RAB38: variants seen among roughly 807,000 people sequenced by gnomAD.
RAB38 encodes the protein RAB38, member RAS oncogene family.
Under a neutral mutation model 18.4 loss-of-function variants are expected in RAB38, and 15 were observed. The observed-to-expected ratio is 0.82, with a 90% CI of 0.55 to 1.26. The LOEUF is 1.26. RAB38 is among the 50% of genes most tolerant of loss of function. The pLI, the probability that RAB38 is intolerant of heterozygous loss-of-function variation, is 0.00. For missense variants in RAB38, 294 were observed against 267.4 expected, an observed-to-expected ratio of 1.10 and a Z score of -0.69; for synonymous variants, 101 against 104.4, an observed-to-expected ratio of 0.97 and a Z score of 0.20.
chr11:88,026,250 A>C, the RAB38 span, among the ~76,000 whole-genome samples: 1 of 152,058 alleles, frequency 6.6e-6, no homozygotes, highest in Non-Finnish European at 1.5e-5. Flanking sequence ...GGGATGTGGA[A>C]GGTAGATGTG....
At chr11:88,146,082 T>C (rs997998733) in intron 2 of RAB38, among the ~76,000 whole-genome samples, 1 of 152,224 alleles carries the variant, frequency 6.6e-6, no homozygotes, top group Non-Finnish European at 1.5e-5. Context: ...TTTTATTTTT[T>C]CTCTCTTAAT....
the RAB38 span, among the ~76,000 whole-genome samples, chr11:87,833,126 C>G: frequency 6.6e-6 from 1 of 152,258 alleles, no homozygotes; most frequent in East Asian, 1.9e-4. Flanking sequence ...CAGAGTGATC[C>G]TCTAAAATGT....
chr11:87,879,727 G>A, the RAB38 span: 3 of 151,636 alleles, frequency 2.0e-5, no homozygotes, highest in Admixed American at 6.6e-5. Context: ...CATGAACAAC[G>A]TTAATCATTG....
At chr11:88,145,143 T>A (rs979951968) in intron 2 of RAB38, among the ~76,000 whole-genome samples, 3 of 151,844 alleles carry the variant, frequency 2.0e-5, no homozygotes, top group African/African-American at 2.4e-5. Context: ...ACATTATTTA[T>A]CTCTCTTTTT....
At chr11:88,025,755 A>C in the RAB38 span, among the ~76,000 whole-genome samples, 3 of 152,060 alleles carry the variant, frequency 2.0e-5, no homozygotes, top group African/African-American at 7.2e-5. Context: ...TAAATTCCTT[A>C]TAGAGTCTGG....
the RAB38 span, among the ~76,000 whole-genome samples, chr11:87,857,213 A>G: frequency 0.014 from 2,124 of 152,278 alleles, 45 homozygotes; most frequent in African/African-American, 0.049. Flanking sequence ...TTATGGCTGC[A>G]TAGTATTCTG....
At chr11:88,011,259 A>G in the RAB38 span, among the ~76,000 whole-genome samples, 11 of 152,216 alleles carry the variant, frequency 7.2e-5, no homozygotes, top group African/African-American at 2.7e-4. Flanking sequence ...ATTGAGCACT[A>G]ATTATATGCA....
the RAB38 span, among the ~76,000 whole-genome samples, chr11:88,028,739 A>G: frequency 5.3e-5 from 8 of 152,332 alleles, no homozygotes; most frequent in African/African-American, 1.9e-4. Flanking sequence ...TGAAAAGACC[A>G]AATCTACGTC....
the RAB38 span, among the ~76,000 whole-genome samples, chr11:87,807,230 T>C: frequency 6.6e-6 from 1 of 152,258 alleles, no homozygotes; most frequent in South Asian, 2.1e-4. Context: ...GCCGAAAAGG[T>C]TGGGGACTGC....
the RAB38 span, among the ~76,000 whole-genome samples, chr11:88,067,560 G>A: frequency 6.6e-6 from 1 of 152,118 alleles, no homozygotes; most frequent in African/African-American, 2.4e-5. Flanking sequence ...TAAGCTTGGT[G>A]CTTTTTGCAC....
At chr11:87,930,054 A>C in the RAB38 span, among the ~76,000 whole-genome samples, 1 of 152,092 alleles carries the variant, frequency 6.6e-6, no homozygotes, top group Non-Finnish European at 1.5e-5. Flanking sequence ...TAGCAGCATG[A>C]TTTATAATCC....
chr11:87,851,031 C>T, the RAB38 span, among the ~76,000 whole-genome samples: 1 of 152,186 alleles, frequency 6.6e-6, no homozygotes, highest in African/African-American at 2.4e-5. Context: ...AGCCTGGGGG[C>T]GGTCCCCCGT....
intron 2 of RAB38, among the ~76,000 whole-genome samples, chr11:88,125,169 T>G (rs1418671606): frequency 6.6e-6 from 1 of 152,216 alleles, no homozygotes; most frequent in African/African-American, 2.4e-5. Context: ...TGTAACTACA[T>G]TCATACTTCA....
At chr11:87,882,699 A>G in the RAB38 span, among the ~76,000 whole-genome samples, 1 of 151,712 alleles carries the variant, frequency 6.6e-6, no homozygotes, top group Non-Finnish European at 1.5e-5. Context: ...CTATAGCTAC[A>G]CTCATTTTGG....
chr11:88,104,352 A>C, the RAB38 span, among the ~76,000 whole-genome samples: 1 of 152,072 alleles, frequency 6.6e-6, no homozygotes, highest in Non-Finnish European at 1.5e-5. Flanking sequence ...TGATGTTTAC[A>C]CAAAATAAAT....
chr11:88,114,184 G>GCTCTAGCATTATTTCAGAGT, intron 2 of RAB38, 44 bp from the exon 3 acceptor site: 1 of 1,594,000 alleles, frequency 6.3e-7, no homozygotes, highest in Non-Finnish European at 8.6e-7. Flanking sequence ...TCAATACTCT[G>GCTCTAGCATTATTTCAGAGT]AAATAATGCT....
the RAB38 span, among the ~76,000 whole-genome samples, chr11:87,883,122 G>C: frequency 1.9e-3 from 295 of 151,922 alleles, no homozygotes; most frequent in African/African-American, 6.7e-3. Flanking sequence ...GTTACTGCAG[G>C]AGGTCACTGT....
the RAB38 span, among the ~76,000 whole-genome samples, chr11:87,932,191 A>G: frequency 2.0e-5 from 3 of 152,138 alleles, no homozygotes; most frequent in South Asian, 2.1e-4. Context: ...CTTGAAACCT[A>G]CATGAGAGGT....
chr11:87,894,640 A>T, the RAB38 span, among the ~76,000 whole-genome samples: 6 of 151,454 alleles, frequency 4.0e-5, no homozygotes, highest in African/African-American at 1.5e-4. Flanking sequence ...TAAATTTGAG[A>T]CAATAGAATT....
Sources: allele counts gnomAD v4.1 joint callset (sites outside exome capture counted in the v4.1 genomes callset), GRCh38; gene constraint gnomAD v4.1.1; transcripts MANE v1.5; gene names NCBI Gene and HGNC (gene_info 2026-07-23, HGNC 2026-07-21).